ALPK1: variants seen among roughly 807,000 people sequenced by gnomAD.
ALPK1 encodes the protein alpha-protein kinase 1.
Under a neutral mutation model 120.6 loss-of-function variants are expected in ALPK1, and 110 were observed. The ratio of observed to expected loss-of-function variants is 0.91; its 90% CI spans 0.78 to 1.07. ALPK1 has a LOEUF of 1.07. Among genes scored for constraint, ALPK1 ranks in the 50% least tolerant of loss-of-function variants. The pLI is 0.00. For synonymous variants in ALPK1, 582 were observed against 560.3 expected, an observed-to-expected ratio of 1.04 and a Z score of -0.55; for missense variants, 1,498 against 1,483.9, an observed-to-expected ratio of 1.01 and a Z score of -0.16.
At chr4:112,430,422 G>A (rs375446464) in intron 10 of ALPK1, 26 bp from the exon 11 acceptor site, 1 of 1,537,916 alleles carries the variant, frequency 6.5e-7, no homozygotes, top group South Asian at 1.3e-5. Context: ...TTCAATATCT[G>A]ATTTGGTATT....
chr4:112,412,395 G>T (rs771444849), intron 5 of ALPK1: 11 of 468,744 alleles, frequency 2.3e-5, no homozygotes, highest in Non-Finnish European at 4.2e-5. Flanking sequence ...TTTTCTCTTC[G>T]CTCTCCTGTC....
chr4:112,401,546 G>A (rs1007477519), intron 4 of ALPK1, among the ~76,000 whole-genome samples: 3 of 152,132 alleles, frequency 2.0e-5, no homozygotes. Flanking sequence ...AGAAGGTCAT[G>A]GGCAAGAGAC....
intron 3 of ALPK1, among the ~76,000 whole-genome samples, chr4:112,381,825 A>G (rs1731920917): frequency 6.6e-6 from 1 of 152,256 alleles, no homozygotes; most frequent in Non-Finnish European, 1.5e-5. Context: ...GTACCCATTA[A>G]GAGATTTAAT....
intron 5 of ALPK1, among the ~76,000 whole-genome samples, chr4:112,420,420 C>T (rs778824726): frequency 2.6e-4 from 39 of 152,150 alleles, no homozygotes; most frequent in Non-Finnish European, 4.3e-4. Context: ...CTCAGAGCCT[C>T]GTACCATTAA....
intron 2 of ALPK1, among the ~76,000 whole-genome samples, chr4:112,362,211 A>C (rs950705128): frequency 1.3e-5 from 2 of 152,246 alleles, no homozygotes; most frequent in African/African-American, 4.8e-5. Context: ...ACACTAGCTC[A>C]CCAGCAATGG....
At chr4:112,340,632 A>AT (rs1317453183) in intron 2 of ALPK1, among the ~76,000 whole-genome samples, 1 of 152,194 alleles carries the variant, frequency 6.6e-6, no homozygotes, top group African/African-American at 2.4e-5. Context: ...TACAGAGTAG[A>AT]TTCCCCCCTC....
At chr4:112,434,404 G>A (rs972478615) in intron 11 of ALPK1, among the ~76,000 whole-genome samples, 1 of 152,090 alleles carries the variant, frequency 6.6e-6, no homozygotes, top group Non-Finnish European at 1.5e-5. Context: ...TCTCTCCCAC[G>A]TATCCCATTC....
chr4:112,420,915 C>A (rs1733964863), intron 5 of ALPK1, among the ~76,000 whole-genome samples: 1 of 152,124 alleles, frequency 6.6e-6, no homozygotes, highest in South Asian at 2.1e-4. Context: ...TCACTGCAAC[C>A]TACAACTCCT....
intron 2 of ALPK1, among the ~76,000 whole-genome samples, chr4:112,333,149 G>A (rs1282910520): frequency 2.0e-5 from 3 of 152,212 alleles, no homozygotes; most frequent in African/African-American, 7.2e-5. Context: ...ATGTATTAAA[G>A]CTGAAGCTAA....
chr4:112,309,791 A>G (rs1728313719), intron 1 of ALPK1, among the ~76,000 whole-genome samples: 2 of 151,960 alleles, frequency 1.3e-5, no homozygotes. Context: ...TTGTTGCAAG[A>G]CCATTTCCTT....
intron 2 of ALPK1, among the ~76,000 whole-genome samples, chr4:112,336,409 G>A (rs933960285): frequency 6.6e-6 from 1 of 151,068 alleles, no homozygotes; most frequent in African/African-American, 2.4e-5. Context: ...TTTTCCTGTT[G>A]AAAAAAAAAG....
intron 2 of ALPK1, chr4:112,358,013 G>C (rs1235511861): frequency 1.6e-6 from 1 of 633,236 alleles, no homozygotes; most frequent in South Asian, 1.5e-5. Flanking sequence ...CGAGGGGCTG[G>C]ACTTCTCAGA....
intron 2 of ALPK1, among the ~76,000 whole-genome samples, chr4:112,334,765 G>T (rs1247818515): frequency 6.6e-6 from 1 of 152,098 alleles, no homozygotes; most frequent in African/African-American, 2.4e-5. Flanking sequence ...CCAAATCCTT[G>T]TACTATAGGA....
intron 5 of ALPK1, among the ~76,000 whole-genome samples, chr4:112,420,841 AAG>A (rs141678964): frequency 0.013 from 1,949 of 148,948 alleles, 51 homozygotes; most frequent in East Asian, 0.089. Context: ...CATAGAGAGA[AAG>A]AGAGAGAGAG....
At chr4:112,398,496 C>T (rs1046633571) in intron 4 of ALPK1, among the ~76,000 whole-genome samples, 1 of 152,016 alleles carries the variant, frequency 6.6e-6, no homozygotes, top group Non-Finnish European at 1.5e-5. Context: ...ACAGGGTCTC[C>T]CTATGTTGCC....
At chr4:112,356,088 A>G in intron 2 of ALPK1, 1 of 1,099,074 alleles carries the variant, frequency 9.1e-7, no homozygotes. Context: ...AGACCCGAAT[A>G]GCCTGCCCCT....
chr4:112,356,308 A>G (rs1730609759), intron 2 of ALPK1: 1 of 964,036 alleles, frequency 1.0e-6, no homozygotes, highest in Non-Finnish European at 1.7e-6. Context: ...TGGCCTGGCG[A>G]GAACACCTCC....
chr4:112,403,397 T>C (rs1381778018), intron 4 of ALPK1, among the ~76,000 whole-genome samples: 1 of 152,174 alleles, frequency 6.6e-6, no homozygotes, highest in Non-Finnish European at 1.5e-5. Flanking sequence ...GTTCACAGCA[T>C]GCTGCCGTTT....
intron 1 of ALPK1, among the ~76,000 whole-genome samples, chr4:112,306,390 TG>T (rs1304108638): frequency 2.6e-5 from 4 of 152,128 alleles, no homozygotes; most frequent in Admixed American, 2.6e-4. Flanking sequence ...GGACTCTTTT[TG>T]GTTGGTAAGC....
Sources: gnomAD v4.1 joint callset for allele counts (sites outside exome capture counted in the v4.1 genomes callset) on GRCh38, gnomAD v4.1.1 for gene constraint, MANE v1.5 for transcripts, NCBI Gene and HGNC (gene_info 2026-07-23, HGNC 2026-07-21) for gene names.